Variants in ZDHHC20 observed in about 807,000 individuals in gnomAD.
The protein encoded by ZDHHC20 is zDHHC palmitoyltransferase 20.
ZDHHC20 carries 43 observed loss-of-function variants against 57.8 expected under a neutral mutation model. The observed-to-expected ratio is 0.74, with a 90% CI of 0.58 to 0.96. The LOEUF (loss-of-function observed/expected upper bound fraction) is 0.96, where lower values mean the gene tolerates loss of function less well. ZDHHC20 is among the 40% of genes least tolerant of loss of function. ZDHHC20 has a pLI of 0.00. For synonymous variants in ZDHHC20, 157 were observed against 153.0 expected (o/e 1.03, Z -0.19); for missense variants, 391 against 441.1 (o/e 0.89, Z 1.02).
chr13:21,377,156 G>A (rs563788167), intron 12 of ZDHHC20: 21 of 185,950 alleles, frequency 1.1e-4, no homozygotes, highest in South Asian at 1.1e-3. Flanking sequence ...TACAATCACC[G>A]TATGCGGGAC....
At chr13:21,442,754 C>CA (rs530521454) in intron 1 of ZDHHC20, among the ~76,000 whole-genome samples, 1,520 of 140,330 alleles carry the variant, frequency 0.011, 17 homozygotes, top group African/African-American at 0.026. Context: ...GACTCTATCT[C>CA]AAAAAAAAAA....
chr13:21,457,225 C>G (rs1593295951), intron 1 of ZDHHC20, among the ~76,000 whole-genome samples: 1 of 152,350 alleles, frequency 6.6e-6, no homozygotes, highest in East Asian at 1.9e-4. Flanking sequence ...CAAAAACCAT[C>G]TACAGGTTAA....
At chr13:21,439,869 C>A (rs1187434212) in intron 1 of ZDHHC20, among the ~76,000 whole-genome samples, 1 of 151,904 alleles carries the variant, frequency 6.6e-6, no homozygotes, top group Non-Finnish European at 1.5e-5. Context: ...AAGTTCAAGA[C>A]CAGCCTGGCC....
chr13:21,402,117 C>G (rs908783780), intron 5 of ZDHHC20, among the ~76,000 whole-genome samples: 9 of 152,000 alleles, frequency 5.9e-5, no homozygotes, highest in African/African-American at 2.2e-4. Flanking sequence ...TACATTAGAT[C>G]CAGCTAACAA....
intron 4 of ZDHHC20, among the ~76,000 whole-genome samples, chr13:21,403,544 T>A (rs1878011090): frequency 1.3e-5 from 2 of 152,040 alleles, no homozygotes; most frequent in African/African-American, 4.8e-5. Flanking sequence ...ACAAAATAAA[T>A]AATGTATTAG....
At position 21,459,183 on chromosome 13, in the gene ZDHHC20, G is replaced by A; in HGVS notation, c.-12C>T. 2 of 1,591,252 alleles carry A rather than the reference G, an allele frequency of 1.3e-6. No homozygotes were observed. Among genetic ancestry groups the A allele is most frequent in the South Asian group, 1.1e-5 (1 of 88,236 alleles). ...GTCCAGGGCGCCATGTTCCGCTGGC[G>A]GCTGCCGAGCCCCGCGTCCCACCGT... is the stretch of plus-strand genomic sequence containing the variant. On this transcript the variant is annotated 5_prime_UTR_variant, in exon 1 of 13. Coordinates refer to ENST00000400590, the MANE Select transcript of ZDHHC20 (RefSeq NM_001330059.2).
chr13:21,438,739 T>C (rs1177655776), intron 1 of ZDHHC20, among the ~76,000 whole-genome samples: 3 of 152,202 alleles, frequency 2.0e-5, no homozygotes, highest in Non-Finnish European at 4.4e-5. Flanking sequence ...TAAAATGCTG[T>C]CAAACAGCAT....
At chr13:21,439,011 A>G (rs1882840905) in intron 1 of ZDHHC20, among the ~76,000 whole-genome samples, 1 of 152,244 alleles carries the variant, frequency 6.6e-6, no homozygotes, top group Admixed American at 6.5e-5. Context: ...CACTTAACAG[A>G]CTACAGTATA....
intron 1 of ZDHHC20, among the ~76,000 whole-genome samples, chr13:21,448,163 C>T (rs1193389454): frequency 2.3e-5 from 3 of 129,790 alleles, no homozygotes; most frequent in South Asian, 2.4e-4. Flanking sequence ...CGTCTCTGCC[C>T]GGCAGCCACC....
At chr13:21,379,288 C>CTTTTTTTTTTTTTTTTTTTTTTTT in intron 11 of ZDHHC20, among the ~76,000 whole-genome samples, 1 of 146,008 alleles carries the variant, frequency 6.8e-6, no homozygotes, top group South Asian at 2.2e-4. Context: ...TTTCTTTTTC[C>CTTTTTTTTTTTTTTTTTTTTTTTT]TTTTTTTTTT....
At chr13:21,384,214 C>A (rs998799305) in intron 9 of ZDHHC20, among the ~76,000 whole-genome samples, 3 of 151,264 alleles carry the variant, frequency 2.0e-5, no homozygotes, top group African/African-American at 7.3e-5. Flanking sequence ...CTGAGGCAGG[C>A]GGATCACTTG....
chr13:21,424,077 GATAAA>G (rs1566097277), intron 2 of ZDHHC20, among the ~76,000 whole-genome samples: 2 of 152,020 alleles, frequency 1.3e-5, no homozygotes, highest in African/African-American at 4.8e-5. Flanking sequence ...TTAAAAAATA[GATAAA>G]ATAAAGCTCT....
chr13:21,388,475 A>G (rs569545267), intron 8 of ZDHHC20, among the ~76,000 whole-genome samples: 2 of 152,338 alleles, frequency 1.3e-5, no homozygotes, highest in South Asian at 4.1e-4. Flanking sequence ...CTCAGAAGTT[A>G]GAGGAAGGTG....
intron 1 of ZDHHC20, among the ~76,000 whole-genome samples, chr13:21,443,388 C>G (rs1429522094): frequency 6.6e-6 from 1 of 152,198 alleles, no homozygotes; most frequent in Non-Finnish European, 1.5e-5. Context: ...GAACAAAGAG[C>G]CTGTTATCCT....
In ZDHHC20 at chr13:21,429,394, G is replaced by C. The variant is rs77343707; in HGVS notation, c.119-3716C>G. Among the ~76,000 whole-genome samples the C allele has an allele frequency of 9.8e-3, 1,486 of 152,254 alleles. 15 individuals carry two copies. Among genetic ancestry groups the C allele is most frequent in the Middle Eastern group, 0.017 (5 of 294 alleles). On this transcript the variant is annotated intron_variant, in intron 1 of 12. Coordinates refer to ENST00000400590, the MANE Select transcript of ZDHHC20 (RefSeq NM_001330059.2). ...AGTTATATGCTGGATATAGAATTCT[G>C]GGTTGACAGTTCTTTTCATTCAGTA...
rs1566125638 is a variant in ZDHHC20 at position 21,459,201 on chromosome 13, C to A, written c.-30G>T. On this transcript the variant is annotated 5_prime_UTR_variant, in exon 1 of 13. Transcript: ENST00000400590. ...CGCTGGCGGCTGCCGAGCCCCGCGT[C>A]CCACCGTTCTGGGGAGCGCGGGAGC... 3.2e-6 allele frequency: 5 copies of A among 1,571,104 alleles called. No homozygotes were observed. The highest frequency in any genetic ancestry group is 4.3e-6 in the Non-Finnish European group (5 of 1,157,020).
rs147690485 is a variant in ZDHHC20, at chr13:21,410,830, TC to T, written c.370+2821del. Among the ~76,000 whole-genome samples, 1,289 of 152,276 alleles carry T rather than the reference TC, an allele frequency of 8.5e-3. 21 individuals are homozygous for T. The highest frequency in any genetic ancestry group is 0.028 in the African/African-American group (1,182 of 41,558). On this transcript the variant is annotated intron_variant, in intron 4 of 12. Coordinates refer to ENST00000400590, the MANE Select transcript of ZDHHC20 (RefSeq NM_001330059.2). ...GGTGGGATCTGCTGAGCAAGACCAC[TC>T]AGCTCCCTAGCTTCAACCCCCTTTC... is the stretch of plus-strand genomic sequence containing the variant.
At chr13:21,401,389 T>C (rs1342589182) in intron 6 of ZDHHC20, among the ~76,000 whole-genome samples, 1 of 152,222 alleles carries the variant, frequency 6.6e-6, no homozygotes, top group Non-Finnish European at 1.5e-5. Flanking sequence ...GTCTTAATTG[T>C]GAATGTTTGT....
At chr13:21,448,449 C>G (rs1329745817) in intron 1 of ZDHHC20, among the ~76,000 whole-genome samples, 4 of 98,160 alleles carry the variant, frequency 4.1e-5, no homozygotes, top group African/African-American at 1.3e-4. Flanking sequence ...CCAGCCGCCC[C>G]GTCCGGGAAG....
Sources: gnomAD v4.1 joint callset for allele counts (sites outside exome capture counted in the v4.1 genomes callset) on GRCh38, gnomAD v4.1.1 for gene constraint, MANE v1.5 for transcripts, NCBI Gene and HGNC (gene_info 2026-07-23, HGNC 2026-07-21) for gene names.